The following FGF12 variants were observed in gnomAD, a reference collection of about 807,000 sequenced individuals.
FGF12 encodes fibroblast growth factor 12, also known as fibroblast growth factor 12B.
In FGF12, 14 loss-of-function variants were observed where a neutral mutation model predicts 23.6. That is an observed-to-expected ratio of 0.59 (90% CI 0.39 to 0.93). FGF12 has a LOEUF of 0.93. FGF12 is among the 40% of genes least tolerant of loss of function. FGF12 has a pLI of 0.00. For missense variants in FGF12, 175 were observed against 217.8 expected, an observed-to-expected ratio of 0.80 and a Z score of 1.24; for synonymous variants, 62 against 77.3, an observed-to-expected ratio of 0.80 and a Z score of 1.04.
intron 2 of FGF12, among the ~76,000 whole-genome samples, chr3:192,429,183 T>C (rs1408439217): frequency 6.6e-6 from 1 of 152,086 alleles, no homozygotes; most frequent in African/African-American, 2.4e-5. Flanking sequence ...AGCATCAACT[T>C]ACCTCTTCAC....
At chr3:192,535,321 T>A (rs1725199067) in intron 2 of FGF12, among the ~76,000 whole-genome samples, 1 of 152,174 alleles carries the variant, frequency 6.6e-6, no homozygotes, top group Admixed American at 6.5e-5. Flanking sequence ...AGGGAAAAAA[T>A]TCTACTTAAA....
intron 2 of FGF12, among the ~76,000 whole-genome samples, chr3:192,717,516 G>C (rs1454991387): frequency 6.6e-6 from 1 of 152,142 alleles, no homozygotes; most frequent in Non-Finnish European, 1.5e-5. Flanking sequence ...AGAATAAAGA[G>C]CTTTTTTAAG....
intron 2 of FGF12, among the ~76,000 whole-genome samples, chr3:192,671,776 AAC>A (rs3044660): frequency 1.3e-3 from 193 of 149,034 alleles, no homozygotes; most frequent in Middle Eastern, 3.5e-3. Context: ...CTTCTTGACC[AAC>A]ACACACACAC....
At chr3:192,213,794 T>C (rs1190008605) in intron 4 of FGF12, among the ~76,000 whole-genome samples, 1 of 152,216 alleles carries the variant, frequency 6.6e-6, no homozygotes, top group East Asian at 1.9e-4. Context: ...GCCAAATTGT[T>C]CCTTATTTCA....
At chr3:192,643,602 A>G (rs1007763269) in intron 2 of FGF12, among the ~76,000 whole-genome samples, 1 of 152,082 alleles carries the variant, frequency 6.6e-6, no homozygotes, top group Non-Finnish European at 1.5e-5. Context: ...TTTAATTTTC[A>G]TATTCTGATC....
chr3:192,606,764 C>T (rs547049103), intron 2 of FGF12, among the ~76,000 whole-genome samples: 1 of 152,202 alleles, frequency 6.6e-6, no homozygotes, highest in Non-Finnish European at 1.5e-5. Context: ...AGGATTTGAA[C>T]CTGGATCTGT....
chr3:192,200,623 G>T (rs1191011892), intron 4 of FGF12, among the ~76,000 whole-genome samples: 2 of 152,124 alleles, frequency 1.3e-5, no homozygotes, highest in African/African-American at 4.8e-5. Context: ...AGTGTAGACT[G>T]CAGTGTCAGT....
intron 3 of FGF12, among the ~76,000 whole-genome samples, chr3:192,356,023 G>A (rs571708236): frequency 2.8e-4 from 43 of 152,266 alleles, no homozygotes; most frequent in African/African-American, 9.6e-4. Context: ...GTCAGGGACT[G>A]TTTTGCTATT....
At chr3:192,650,801 G>A (rs2108675835) in intron 2 of FGF12, among the ~76,000 whole-genome samples, 1 of 152,230 alleles carries the variant, frequency 6.6e-6, no homozygotes, top group South Asian at 2.1e-4. Context: ...ACATATTAAT[G>A]TATGTCCAAT....
At chr3:192,228,008 G>A (rs1323969030) in intron 4 of FGF12, among the ~76,000 whole-genome samples, 1 of 152,100 alleles carries the variant, frequency 6.6e-6, no homozygotes, top group African/African-American at 2.4e-5. Context: ...GGGGGATGAG[G>A]AAAGAGGAGA....
intron 2 of FGF12, among the ~76,000 whole-genome samples, chr3:192,438,737 T>C (rs1384183236): frequency 3.9e-5 from 6 of 152,160 alleles, no homozygotes; most frequent in Non-Finnish European, 7.3e-5. Context: ...ACGTTTGTGC[T>C]TGACCAGTAG....
chr3:192,633,511 C>G (rs1715469226), intron 2 of FGF12, among the ~76,000 whole-genome samples: 1 of 152,004 alleles, frequency 6.6e-6, no homozygotes, highest in Non-Finnish European at 1.5e-5. Flanking sequence ...AAGATTCCCC[C>G]AAATCACACA....
chr3:192,383,236 T>G (rs1421588591), intron 2 of FGF12, among the ~76,000 whole-genome samples: 1 of 152,196 alleles, frequency 6.6e-6, no homozygotes, highest in Non-Finnish European at 1.5e-5. Context: ...ATGAACATAC[T>G]TCTCTCCTTG....
In FGF12 at chr3:192,140,672, G is replaced by A. The variant is rs1240939409; in HGVS notation, c.*3337C>T. ...TATTTTATTAAACAGAAGAGTCTTA[G>A]TTCTTTTAAACAAGCTTTCTGAATT... On this transcript the variant is annotated 3_prime_UTR_variant, in exon 6 of 6. Transcript: ENST00000445105. 6.6e-6 allele frequency: 1 copy of A among 151,964 alleles called. No homozygotes were observed. Among genetic ancestry groups the A allele is most frequent in the East Asian group, 1.9e-4 (1 of 5,192 alleles). The allele number at this position is 151,964 out of a possible 1,614,324, so 9.4% of individuals were successfully genotyped here.
rs569213219 is a variant in FGF12, at chr3:192,634,024, C to T, written c.13+93157G>A. Among the ~76,000 whole-genome samples the T allele has an allele frequency of 7.9e-5, 12 of 152,296 alleles. No homozygotes were observed. The South Asian group carries it at 2.5e-3, about 32-fold the overall frequency. On this transcript the variant is annotated intron_variant, in intron 2 of 5. Coordinates refer to ENST00000445105, the MANE Select transcript of FGF12 (RefSeq NM_004113.6). ...TAGGTCTAAATTCATTCCTAAAGGCCCAGTGCAGATATAAATCTGTCTCCT... is the reference window on the plus strand; with the variant it reads ...TAGGTCTAAATTCATTCCTAAAGGCTCAGTGCAGATATAAATCTGTCTCCT...
At chr3:192,661,390 CAT>C (rs982542478) in intron 2 of FGF12, among the ~76,000 whole-genome samples, 2 of 152,110 alleles carry the variant, frequency 1.3e-5, no homozygotes, top group Non-Finnish European at 2.9e-5. Context: ...GGCATGGTGG[CAT>C]GGGATTAAAA....
chr3:192,494,861 A>AT (rs1723902700), intron 2 of FGF12, among the ~76,000 whole-genome samples: 2 of 145,514 alleles, frequency 1.4e-5, no homozygotes, highest in African/African-American at 2.7e-5. Context: ...TATATATATA[A>AT]AATACATTTT....
intron 2 of FGF12, among the ~76,000 whole-genome samples, chr3:192,626,634 A>C (rs538274338): frequency 1.3e-5 from 2 of 152,240 alleles, no homozygotes; most frequent in South Asian, 4.1e-4. Flanking sequence ...TTATTTAGAG[A>C]ATGGGCCTTG....
At chr3:192,168,507 A>G (rs1247085537) in intron 5 of FGF12, among the ~76,000 whole-genome samples, 5 of 152,188 alleles carry the variant, frequency 3.3e-5, no homozygotes. Context: ...ACTTTTTGGG[A>G]AAATAATAGC....
Sources: gnomAD v4.1 joint callset for allele counts (sites outside exome capture counted in the v4.1 genomes callset) on GRCh38, gnomAD v4.1.1 for gene constraint, MANE v1.5 for transcripts, NCBI Gene and HGNC (gene_info 2026-07-23, HGNC 2026-07-21) for gene names.